AFG2A: variants seen among roughly 807,000 people sequenced by gnomAD.
The protein encoded by AFG2A is AAA ATPase AFG2A.
At chr4:123,109,527 A>G in the AFG2A span, among the ~76,000 whole-genome samples, 2 of 152,176 alleles carry the variant, frequency 1.3e-5, no homozygotes, top group Admixed American at 6.5e-5. Context: ...AAATACTCAT[A>G]TGATAGATCT....
the AFG2A span, among the ~76,000 whole-genome samples, chr4:122,925,899 A>T: frequency 6.6e-6 from 1 of 152,244 alleles, no homozygotes; most frequent in Non-Finnish European, 1.5e-5. Context: ...GAATGAATAA[A>T]TGAAGGGTGG....
At chr4:122,988,692 G>A in the AFG2A span, among the ~76,000 whole-genome samples, 8 of 152,204 alleles carry the variant, frequency 5.3e-5, no homozygotes, top group South Asian at 1.7e-3. Flanking sequence ...ACCGTGCCCA[G>A]CCCATTATTT....
the AFG2A span, among the ~76,000 whole-genome samples, chr4:123,177,793 G>T: frequency 6.6e-6 from 1 of 152,200 alleles, no homozygotes; most frequent in East Asian, 1.9e-4. Flanking sequence ...CCTTTCCAGT[G>T]CCCTTTCCAG....
chr4:123,087,891 C>T, the AFG2A span, among the ~76,000 whole-genome samples: 235 of 152,242 alleles, frequency 1.5e-3, 1 homozygote, highest in Non-Finnish European at 2.8e-3. Context: ...TAGGACGGAG[C>T]GAAGACTTCC....
the AFG2A span, among the ~76,000 whole-genome samples, chr4:123,226,135 T>G: frequency 6.6e-6 from 1 of 152,200 alleles, no homozygotes; most frequent in East Asian, 1.9e-4. Context: ...GTTTTCTAGA[T>G]ATACAGTCAT....
chr4:122,942,649 A>C, the AFG2A span, among the ~76,000 whole-genome samples: 2 of 151,524 alleles, frequency 1.3e-5, no homozygotes, highest in Non-Finnish European at 2.9e-5. Flanking sequence ...TTCTGCTCTG[A>C]TCTTAGTTAT....
the AFG2A span, among the ~76,000 whole-genome samples, chr4:123,249,804 G>C: frequency 6.6e-6 from 1 of 152,290 alleles, no homozygotes; most frequent in African/African-American, 2.4e-5. Context: ...AGAAGTGACA[G>C]GTTTAAGAGA....
the AFG2A span, chr4:122,928,989 G>A: frequency 1.9e-6 from 3 of 1,575,784 alleles, no homozygotes; most frequent in South Asian, 1.2e-5. Context: ...TAAATTGATG[G>A]TATTCTATGA....
At chr4:122,923,479 C>T in the AFG2A span, among the ~76,000 whole-genome samples, 1 of 152,110 alleles carries the variant, frequency 6.6e-6, no homozygotes, top group East Asian at 1.9e-4. Context: ...CAAACGTAGC[C>T]GCGCCTGCAC....
chr4:123,092,562 T>C, the AFG2A span, among the ~76,000 whole-genome samples: 1 of 151,894 alleles, frequency 6.6e-6, no homozygotes, highest in Non-Finnish European at 1.5e-5. Flanking sequence ...GTGTAACAAA[T>C]TACCACAAAT....
the AFG2A span, among the ~76,000 whole-genome samples, chr4:123,252,486 T>C: frequency 6.6e-6 from 1 of 151,906 alleles, no homozygotes; most frequent in African/African-American, 2.4e-5. Flanking sequence ...TTACGTGATT[T>C]TTTCCAAACT....
the AFG2A span, among the ~76,000 whole-genome samples, chr4:123,287,864 A>G: frequency 6.6e-6 from 1 of 152,174 alleles, no homozygotes; most frequent in Non-Finnish European, 1.5e-5. Context: ...AGAAGGTGGC[A>G]TTTGTGTAAA....
chr4:122,969,274 A>G, the AFG2A span, among the ~76,000 whole-genome samples: 2 of 151,588 alleles, frequency 1.3e-5, no homozygotes, highest in Admixed American at 1.3e-4. Flanking sequence ...TTTTCCTTTC[A>G]TGTTGCTATC....
the AFG2A span, chr4:122,947,468 A>G: frequency 6.2e-7 from 1 of 1,612,894 alleles, no homozygotes; most frequent in Non-Finnish European, 8.5e-7. Context: ...GCAGACTTGA[A>G]AGTCTTGTGT....
chr4:122,934,217 A>G, the AFG2A span: 11 of 1,614,150 alleles, frequency 6.8e-6, no homozygotes, highest in Non-Finnish European at 9.3e-6. Flanking sequence ...CCTCAGAGTG[A>G]CTCTGACACT....
the AFG2A span, chr4:123,315,894 T>A: frequency 1.3e-5 from 2 of 152,256 alleles, no homozygotes; most frequent in Non-Finnish European, 2.9e-5. Flanking sequence ...TCCTCCTGAC[T>A]CAGCCTCCTG....
the AFG2A span, among the ~76,000 whole-genome samples, chr4:122,925,416 C>G: frequency 6.6e-6 from 1 of 152,134 alleles, no homozygotes; most frequent in Non-Finnish European, 1.5e-5. Context: ...CCACTGCTGT[C>G]AGAGTAATGA....
the AFG2A span, among the ~76,000 whole-genome samples, chr4:123,167,766 C>A: frequency 3.9e-5 from 6 of 152,150 alleles, no homozygotes; most frequent in Non-Finnish European, 8.8e-5. Context: ...ATGCTGCCAC[C>A]TTCCATGGTA....
the AFG2A span, among the ~76,000 whole-genome samples, chr4:123,078,099 A>T: frequency 6.6e-6 from 1 of 152,194 alleles, no homozygotes; most frequent in Non-Finnish European, 1.5e-5. Context: ...AGGCACTTGG[A>T]TAGGCATTGG....
Sources: allele counts gnomAD v4.1 joint callset (sites outside exome capture counted in the v4.1 genomes callset), GRCh38; gene constraint gnomAD v4.1.1; transcripts MANE v1.5; gene names NCBI Gene and HGNC (gene_info 2026-07-23, HGNC 2026-07-21).